NLGN1: variants seen among roughly 807,000 people sequenced by gnomAD.
NLGN1 encodes neuroligin 1, also known as neuroligin-1.
A neutral mutation model predicts 65.5 loss-of-function variants in NLGN1; 12 were observed. That is an observed-to-expected ratio of 0.18 (90% CI 0.12 to 0.30). The LOEUF (loss-of-function observed/expected upper bound fraction) is 0.30, where lower values mean the gene tolerates loss of function less well. Among genes scored for constraint, NLGN1 ranks in the 10% least tolerant of loss-of-function variants. The pLI is 1.00. For synonymous variants in NLGN1, 350 were observed against 359.5 expected, an observed-to-expected ratio of 0.97 and a Z score of 0.30; for missense variants, 750 against 1,007.1, an observed-to-expected ratio of 0.74 and a Z score of 3.46.
intron 2 of NLGN1, among the ~76,000 whole-genome samples, chr3:173,536,918 G>A (rs1189656656): frequency 1.3e-5 from 2 of 152,142 alleles, no homozygotes; most frequent in Admixed American, 6.5e-5. Flanking sequence ...CCTGAGAAAC[G>A]AGAGCCAATG....
intron 4 of NLGN1, among the ~76,000 whole-genome samples, chr3:173,870,134 T>G (rs1268087391): frequency 6.6e-6 from 1 of 152,216 alleles, no homozygotes; most frequent in Non-Finnish European, 1.5e-5. Flanking sequence ...CTTACTTTTG[T>G]GTCAAATAAT....
intron 4 of NLGN1, among the ~76,000 whole-genome samples, chr3:173,889,981 G>T (rs1735033320): frequency 6.6e-6 from 1 of 150,684 alleles, no homozygotes; most frequent in Non-Finnish European, 1.5e-5. Context: ...TTTTGTGTAT[G>T]TATGAGGGTG....
In NLGN1 at chr3:173,724,035, C is replaced by A. The variant is rs190059214; in HGVS notation, c.494-83645C>A. Among the ~76,000 whole-genome samples the A allele has an allele frequency of 8.7e-4, 132 of 152,258 alleles. 1 individual carries two copies. The highest frequency in any genetic ancestry group is 3.0e-3 in the African/African-American group (126 of 41,562). ...AGCTTGAGATTGGGAAGACTGCGCA[C>A]AGATGGGTAGGGATCCATGGGGGTC... On this transcript the variant is annotated intron_variant, in intron 3 of 6. Coordinates refer to ENST00000457714, the Ensembl canonical transcript of NLGN1.
intron 4 of NLGN1, among the ~76,000 whole-genome samples, chr3:174,045,415 A>G (rs1733333210): frequency 6.6e-6 from 1 of 152,082 alleles, no homozygotes; most frequent in South Asian, 2.1e-4. Flanking sequence ...GAACTCACTT[A>G]CTATCGTGAG....
At chr3:173,671,660 A>G (rs1373459459) in intron 3 of NLGN1, among the ~76,000 whole-genome samples, 1 of 152,094 alleles carries the variant, frequency 6.6e-6, no homozygotes, top group Non-Finnish European at 1.5e-5. Context: ...CTTTTTCTCC[A>G]CCCATTATGC....
exon 7 of NLGN1, chr3:174,282,508 C>G (rs1345861509): frequency 6.6e-6 from 1 of 152,162 alleles, no homozygotes; most frequent in Non-Finnish European, 1.5e-5. Flanking sequence ...CTGGAATTTA[C>G]TCACGCAATC....
intron 4 of NLGN1, among the ~76,000 whole-genome samples, chr3:174,034,500 A>G (rs7647044): frequency 0.3 from 46,181 of 151,872 alleles, 7,852 homozygotes; most frequent in African/African-American, 0.45. Flanking sequence ...AGGTGATTAT[A>G]GTACATGGAT....
At chr3:173,426,709 G>T (rs1376588028) in intron 1 of NLGN1, among the ~76,000 whole-genome samples, 1 of 151,944 alleles carries the variant, frequency 6.6e-6, no homozygotes, top group East Asian at 1.9e-4. Context: ...TTTTTGATAT[G>T]CTGTTGGATT....
At chr3:174,181,824 A>C (rs1350119876) in intron 4 of NLGN1, among the ~76,000 whole-genome samples, 10 of 126,974 alleles carry the variant, frequency 7.9e-5, no homozygotes, top group Admixed American at 6.3e-4. Context: ...TGTACACACA[A>C]AACTTAGCCA....
At chr3:173,938,306 T>G (rs1334585459) in intron 4 of NLGN1, among the ~76,000 whole-genome samples, 1 of 152,074 alleles carries the variant, frequency 6.6e-6, no homozygotes, top group East Asian at 1.9e-4. Context: ...CAAGTGCCCC[T>G]CCATAGCAGA....
chr3:174,243,456 A>G (rs1397376829), intron 4 of NLGN1, among the ~76,000 whole-genome samples: 2 of 152,180 alleles, frequency 1.3e-5, no homozygotes, highest in Non-Finnish European at 2.9e-5. Flanking sequence ...ACACAGAACC[A>G]CATTTTAATG....
intron 3 of NLGN1, among the ~76,000 whole-genome samples, chr3:173,633,813 G>A (rs537163820): frequency 6.6e-6 from 1 of 152,262 alleles, no homozygotes; most frequent in East Asian, 1.9e-4. Context: ...TCGTTTAGCA[G>A]TACAGTATTT....
chr3:173,723,143 C>A (rs1401649955), intron 3 of NLGN1, among the ~76,000 whole-genome samples: 1 of 152,060 alleles, frequency 6.6e-6, no homozygotes, highest in Non-Finnish European at 1.5e-5. Context: ...GCCATTGCGG[C>A]TAGAGCTATG....
chr3:173,547,674 C>T lies in NLGN1; in HGVS notation c.-320-56605C>T, dbSNP rs114667037. Reference sequence around the variant, plus strand: ...CTAGGTATTATGTGTCAGCTTTTAGCGAATTAGATTGTTTATTGCATTGGG... The same window carrying T: ...CTAGGTATTATGTGTCAGCTTTTAGTGAATTAGATTGTTTATTGCATTGGG... On this transcript the variant is annotated intron_variant, in intron 2 of 6. Coordinates refer to ENST00000457714, the Ensembl canonical transcript of NLGN1. Among the ~76,000 whole-genome samples the T allele has an allele frequency of 5.4e-3, 827 of 152,086 alleles. 10 individuals are homozygous for T. The highest frequency in any genetic ancestry group is 0.019 in the African/African-American group (778 of 41,486).
intron 2 of NLGN1, among the ~76,000 whole-genome samples, chr3:173,580,492 G>T (rs546918779): frequency 6.6e-6 from 1 of 151,788 alleles, no homozygotes; most frequent in Non-Finnish European, 1.5e-5. Flanking sequence ...CTTCATTAGA[G>T]AATTTATTCT....
At chr3:174,243,909 T>C (rs1382978419) in intron 4 of NLGN1, among the ~76,000 whole-genome samples, 1 of 152,198 alleles carries the variant, frequency 6.6e-6, no homozygotes, top group Non-Finnish European at 1.5e-5. Flanking sequence ...TTCATACCAC[T>C]TTTGGGTGAC....
At chr3:173,442,534 G>A (rs1163019321) in intron 2 of NLGN1, among the ~76,000 whole-genome samples, 1 of 152,070 alleles carries the variant, frequency 6.6e-6, no homozygotes, top group Non-Finnish European at 1.5e-5. Flanking sequence ...CACTTTGTTA[G>A]CATATAAATG....
chr3:174,289,947 A>G (rs1160581738), downstream of NLGN1, among the ~76,000 whole-genome samples: 1 of 65,796 alleles, frequency 1.5e-5, no homozygotes, highest in African/African-American at 9.4e-5. Context: ...ATGTATGTAT[A>G]TATATGTGTA....
chr3:174,279,080 T>C lies in NLGN1; in HGVS notation c.1079T>C (p.Ile360Thr), dbSNP rs1481932193. Residue 360 changes from isoleucine to threonine, a missense_variant, in exon 6 of 7, where the codon ATT becomes ACT. By Grantham distance (89) the Ile-to-Thr change is moderately conservative. Transcript: ENST00000457714. This position sits in a 1 kb window ranked among gnomAD's most constrained non-coding sequence, Gnocchi z 4.7. ...TACCACATAGCCTTTGGACCTGTGA[T>C]TGATGGTGATGTAATACCAGACGAC... 3 of 1,613,294 alleles carry C rather than the reference T, an allele frequency of 1.9e-6. No homozygotes were observed. Among genetic ancestry groups the C allele is most frequent in the African/African-American group, 1.3e-5 (1 of 74,956 alleles).
Sources: allele counts gnomAD v4.1 joint callset (sites outside exome capture counted in the v4.1 genomes callset), GRCh38; gene constraint gnomAD v4.1.1; non-coding constraint Gnocchi (gnomAD v3.1); transcripts MANE v1.5; gene names NCBI Gene and HGNC (gene_info 2026-07-23, HGNC 2026-07-21).